Variants in SFRP1 observed in about 807,000 individuals in gnomAD.
The protein encoded by SFRP1 is secreted frizzled-related protein 1.
SFRP1 carries 9 observed loss-of-function variants against 25.9 expected under a neutral mutation model. The ratio of observed to expected loss-of-function variants is 0.35; its 90% CI spans 0.21 to 0.61. SFRP1 has a LOEUF of 0.61. Ranked by LOEUF, SFRP1 falls within the 20% of genes least tolerant of loss-of-function variation. SFRP1 has a pLI of 0.78. For synonymous variants in SFRP1, 178 were observed against 174.0 expected, an observed-to-expected ratio of 1.02 and a Z score of -0.18; for missense variants, 346 against 418.2, an observed-to-expected ratio of 0.83 and a Z score of 1.51.
At chr8:41,277,086 C>G (rs1585508566) in intron 2 of SFRP1, 1 of 453,778 alleles carries the variant, frequency 2.2e-6, no homozygotes, top group East Asian at 7.0e-5. Flanking sequence ...GAGCAAAGTG[C>G]TGCCTGGTGT....
chr8:41,290,995 C>T (rs1280640382), intron 2 of SFRP1, among the ~76,000 whole-genome samples: 3 of 145,266 alleles, frequency 2.1e-5, no homozygotes, highest in Non-Finnish European at 4.5e-5. Flanking sequence ...CAAGCTCCAC[C>T]TCCCAGGTTC....
intron 2 of SFRP1, among the ~76,000 whole-genome samples, chr8:41,302,811 C>T (rs558195561): frequency 3.9e-5 from 6 of 152,212 alleles, no homozygotes; most frequent in South Asian, 2.1e-4. Flanking sequence ...CCACCAGCTC[C>T]TCCTTCTCCT....
At chr8:41,266,602 A>AT (rs77812012) in intron 2 of SFRP1, among the ~76,000 whole-genome samples, 147 of 139,274 alleles carry the variant, frequency 1.1e-3, no homozygotes, top group South Asian at 1.9e-3. Flanking sequence ...TGCCTGGCTG[A>AT]TTTTTTTTTT....
chr8:41,286,179 G>A (rs1376053220), intron 2 of SFRP1, among the ~76,000 whole-genome samples: 1 of 152,120 alleles, frequency 6.6e-6, no homozygotes, highest in Non-Finnish European at 1.5e-5. Flanking sequence ...TTCCTCCCTG[G>A]GCTTGCCTAT....
At chr8:41,304,250 G>A (rs1302773804) in intron 1 of SFRP1, among the ~76,000 whole-genome samples, 2 of 152,158 alleles carry the variant, frequency 1.3e-5, no homozygotes, top group African/African-American at 2.4e-5. Flanking sequence ...TTGGAAGGCA[G>A]CTCCACTGCC....
intron 2 of SFRP1, among the ~76,000 whole-genome samples, chr8:41,291,152 C>A (rs746757661): frequency 6.6e-6 from 1 of 151,822 alleles, no homozygotes; most frequent in Non-Finnish European, 1.5e-5. Context: ...TCATGATCTG[C>A]CCACCTCAGC....
rs1317973703 is a variant in SFRP1, at chr8:41,262,484, A to C, written c.*2683T>G. On this transcript the variant is annotated 3_prime_UTR_variant, in exon 3 of 3. Transcript: ENST00000220772. Reference sequence around the variant, plus strand: ...ACTTGATGCTAACCCACAGGTACCAAGAGCCAAGTGTTACACAGGATATTT... The same window carrying C: ...ACTTGATGCTAACCCACAGGTACCACGAGCCAAGTGTTACACAGGATATTT... 1.3e-5 allele frequency: 2 copies of C among 152,246 alleles called. No individual in the cohort carries two copies. The highest frequency in any genetic ancestry group is 3.8e-4 in the East Asian group (2 of 5,202). The allele number at this position is 152,246 out of a possible 1,614,324, so 9.4% of individuals were successfully genotyped here. A position where few individuals can be genotyped will look rare whatever the true frequency, so the allele number is the denominator to read the frequency against.
At chr8:41,275,224 T>C (rs1241234922) in intron 2 of SFRP1, 1 of 449,044 alleles carries the variant, frequency 2.2e-6, no homozygotes, top group Non-Finnish European at 4.5e-6. Flanking sequence ...AGCTTTATGA[T>C]TCATACAGCA....
Position 41,300,559 on chromosome 8 carries a change from G to A in SFRP1, c.622+2902C>T, listed in dbSNP as rs149814551. Among the ~76,000 whole-genome samples, 806 of 152,266 alleles carry A rather than the reference G, an allele frequency of 5.3e-3. 6 individuals carry two copies. Among genetic ancestry groups the A allele is most frequent in the African/African-American group, 0.017 (719 of 41,554 alleles). The stretch of plus-strand genomic sequence containing the variant: ...TACTGCAGAAGAAGCTAGAGAAAGT[G>A]GCCAGAGGCAGGAATTAACCTCACC... On this transcript the variant is annotated intron_variant, in intron 2 of 2. Coordinates refer to ENST00000220772, the MANE Select transcript of SFRP1 (RefSeq NM_003012.5).
At chr8:41,306,899 T>C (rs1804005754) in intron 1 of SFRP1, 1 of 1,586,922 alleles carries the variant, frequency 6.3e-7, no homozygotes, top group Admixed American at 1.7e-5. Flanking sequence ...CTTTCCTCTC[T>C]TCTTCAGGCA....
At chr8:41,297,517 C>T (rs1279638759) in intron 2 of SFRP1, among the ~76,000 whole-genome samples, 1 of 152,104 alleles carries the variant, frequency 6.6e-6, no homozygotes, top group Non-Finnish European at 1.5e-5. Flanking sequence ...AAATTTCATC[C>T]TAAAACATTT....
At chr8:41,296,322 C>T (rs562598070) in intron 2 of SFRP1, among the ~76,000 whole-genome samples, 1 of 152,308 alleles carries the variant, frequency 6.6e-6, no homozygotes, top group East Asian at 1.9e-4. Context: ...TATTTTACTG[C>T]CAGATAAACA....
chr8:41,286,863 C>T (rs1248406494), intron 2 of SFRP1, among the ~76,000 whole-genome samples: 1 of 152,192 alleles, frequency 6.6e-6, no homozygotes, highest in Non-Finnish European at 1.5e-5. Context: ...GTTCACCCAC[C>T]AACACAGCCA....
At chr8:41,302,311 T>A (rs554083009) in intron 2 of SFRP1, among the ~76,000 whole-genome samples, 105 of 152,308 alleles carry the variant, frequency 6.9e-4, no homozygotes, top group African/African-American at 2.4e-3. Flanking sequence ...TGCAATACCC[T>A]GAGAATGACC....
intron 2 of SFRP1, among the ~76,000 whole-genome samples, chr8:41,286,168 G>T (rs1803698674): frequency 6.6e-6 from 1 of 152,056 alleles, no homozygotes; most frequent in African/African-American, 2.4e-5. Context: ...AACACTCTGT[G>T]TTCCTCCCTG....
intron 2 of SFRP1, among the ~76,000 whole-genome samples, chr8:41,273,540 T>A (rs529588220): frequency 3.5e-4 from 53 of 152,286 alleles, no homozygotes; most frequent in Non-Finnish European, 4.4e-4. Context: ...TATAAACTTA[T>A]GGGTTACAAT....
chr8:41,292,255 C>T (rs1266790671), intron 2 of SFRP1, among the ~76,000 whole-genome samples: 2 of 152,174 alleles, frequency 1.3e-5, no homozygotes, highest in Non-Finnish European at 2.9e-5. Flanking sequence ...CATAGCAGCC[C>T]TTTTTGGCTT....
chr8:41,271,777 C>A (rs977865004), intron 2 of SFRP1, among the ~76,000 whole-genome samples: 29 of 151,436 alleles, frequency 1.9e-4, no homozygotes, highest in African/African-American at 6.8e-4. Flanking sequence ...CCAGCCTGGG[C>A]AATATAGTGA....
intron 1 of SFRP1, among the ~76,000 whole-genome samples, chr8:41,308,349 CAGCG>C (rs1396917699): frequency 6.6e-6 from 1 of 152,006 alleles, no homozygotes; most frequent in African/African-American, 2.4e-5. Context: ...CCGGGGACCA[CAGCG>C]AGTCCCTGCG....
Sources: gnomAD v4.1 joint callset for allele counts (sites outside exome capture counted in the v4.1 genomes callset) on GRCh38, gnomAD v4.1.1 for gene constraint, MANE v1.5 for transcripts, NCBI Gene and HGNC (gene_info 2026-07-23, HGNC 2026-07-21) for gene names.